The following GRIK2 variants were observed in gnomAD, a reference collection of about 807,000 sequenced individuals.
GRIK2 encodes the protein glutamate receptor ionotropic, kainate 2.
A neutral mutation model predicts 100.3 loss-of-function variants in GRIK2; 32 were observed. That is an observed-to-expected ratio of 0.32 (90% CI 0.24 to 0.43). The LOEUF is 0.43. Ranked by LOEUF, GRIK2 falls within the 20% of genes least tolerant of loss-of-function variation. The pLI is 1.00. For synonymous variants in GRIK2, 417 were observed against 389.4 expected (o/e 1.07, Z -0.83); for missense variants, 843 against 1,114.9 (o/e 0.76, Z 3.47).
chr6:101,627,755 T>C (rs1780531450), intron 4 of GRIK2, among the ~76,000 whole-genome samples: 1 of 152,190 alleles, frequency 6.6e-6, no homozygotes, highest in Admixed American at 6.5e-5. Flanking sequence ...TGATATTTAT[T>C]TCAGTGAGTT....
chr6:101,965,075 G>A (rs958860203), intron 14 of GRIK2, among the ~76,000 whole-genome samples: 3 of 152,146 alleles, frequency 2.0e-5, no homozygotes, highest in African/African-American at 4.8e-5. Context: ...TTTGGGTGTG[G>A]TGTAGAACTG....
chr6:101,623,897 T>C (rs1415889423), intron 3 of GRIK2, among the ~76,000 whole-genome samples: 1 of 152,056 alleles, frequency 6.6e-6, no homozygotes, highest in African/African-American at 2.4e-5. Flanking sequence ...CAGCAATACA[T>C]AAAAACATAA....
intron 2 of GRIK2, among the ~76,000 whole-genome samples, chr6:101,491,440 C>T (rs924527096): frequency 2.0e-5 from 3 of 151,998 alleles, no homozygotes; most frequent in Non-Finnish European, 4.4e-5. Flanking sequence ...CACAAACCTT[C>T]ACTGGAAAAA....
intron 7 of GRIK2, among the ~76,000 whole-genome samples, chr6:101,794,502 G>A (rs546708885): frequency 3.9e-5 from 6 of 152,064 alleles, no homozygotes; most frequent in South Asian, 2.1e-4. Flanking sequence ...TTTGTATATC[G>A]TTTGTTCCCT....
rs530043249 is a variant in GRIK2 at position 101,565,876 on chromosome 6, C to T, written c.116-56073C>T. Among the ~76,000 whole-genome samples, 6 of 139,106 alleles carry T rather than the reference C, an allele frequency of 4.3e-5. No individual in the cohort carries two copies. The East Asian group carries it at 1.3e-3, about 31-fold the overall frequency. 91.3% of individuals were successfully genotyped at this position (139,106 alleles called of 152,430 possible). A position where few individuals can be genotyped will look rare whatever the true frequency, so the allele number is the denominator to read the frequency against. On this transcript the variant is annotated intron_variant, in intron 2 of 16. Transcript: ENST00000369134. ...ACATATTTTGTGTATTATATGTTAC[C>T]AATATAATTCTGCCAATCTTTATCT...
intron 14 of GRIK2, among the ~76,000 whole-genome samples, chr6:102,009,178 G>A (rs981314111): frequency 6.6e-6 from 1 of 151,886 alleles, no homozygotes; most frequent in Non-Finnish European, 1.5e-5. Flanking sequence ...AAAAATAATT[G>A]TCAGGTACAA....
At position 101,924,632 on chromosome 6, in the gene GRIK2, C is replaced by T. The variant is rs751004500; in HGVS notation, c.1780C>T (p.Pro594Ser). ...FSPYEWYNPH[P>S]CNPDSDVVEN... ...TCCTTATGAGTGGTATAATCCACAC[C>T]CTTGCAACCCTGACTCAGACGTGGT... Residue 594 changes from proline (P) to serine (S), a missense_variant, in exon 13 of 17, where the codon CCT (proline) becomes TCT (serine). By Grantham distance (74) the Pro-to-Ser change is moderately conservative (BLOSUM62 -1). This residue lies in a region of GRIK2 where 237 missense variants were observed against 388.0 expected (regional missense o/e 0.61). Coordinates refer to ENST00000369134, the MANE Select transcript of GRIK2 (RefSeq NM_021956.5). 6 of 1,606,094 alleles carry T rather than the reference C, an allele frequency of 3.7e-6. No individual in the cohort carries two copies. The highest frequency in any genetic ancestry group is 5.1e-6 in the Non-Finnish European group (6 of 1,172,956).
intron 9 of GRIK2, among the ~76,000 whole-genome samples, chr6:101,808,645 G>A (rs1374346196): frequency 6.6e-6 from 1 of 151,836 alleles, no homozygotes; most frequent in Non-Finnish European, 1.5e-5. Context: ...ATTCTCCTGT[G>A]TGATATTTAA....
In GRIK2 at chr6:101,506,547, G is replaced by A. The variant is rs541248508; in HGVS notation, c.115+107155G>A. 6.4e-4 allele frequency among the ~76,000 whole-genome samples: 98 copies of A among 152,092 alleles called. 1 individual carries two copies. Among genetic ancestry groups the A allele is most frequent in the Non-Finnish European group, 7.9e-4 (54 of 67,976 alleles). ...CTTTATGTATAGCAGATGAATATAC[G>A]TGTTGTCCATGATCAGAGTTCCATG... On this transcript the variant is annotated intron_variant, in intron 2 of 16. Coordinates refer to ENST00000369134, the MANE Select transcript of GRIK2 (RefSeq NM_021956.5).
chr6:101,398,372 C>T (rs764656560), intron 1 of GRIK2, among the ~76,000 whole-genome samples: 32 of 152,128 alleles, frequency 2.1e-4, no homozygotes, highest in Non-Finnish European at 4.4e-5. Context: ...AGAAATTTCT[C>T]CTACTTCTGG....
intron 2 of GRIK2, among the ~76,000 whole-genome samples, chr6:101,594,499 A>G (rs1778815869): frequency 6.6e-6 from 1 of 151,878 alleles, no homozygotes; most frequent in South Asian, 2.1e-4. Flanking sequence ...AATGGGTTTA[A>G]GGCAAGGAAA....
chr6:101,429,179 C>T (rs1051160209), intron 2 of GRIK2, among the ~76,000 whole-genome samples: 1 of 152,116 alleles, frequency 6.6e-6, no homozygotes, highest in African/African-American at 2.4e-5. Flanking sequence ...GATCTTCAGT[C>T]AAAATACTTT....
intron 5 of GRIK2, among the ~76,000 whole-genome samples, chr6:101,681,487 G>A (rs963585968): frequency 7.0e-6 from 1 of 142,896 alleles, no homozygotes; most frequent in African/African-American, 2.6e-5. Flanking sequence ...CTCCTGCCTT[G>A]GTTTCCCGAA....
intron 2 of GRIK2, among the ~76,000 whole-genome samples, chr6:101,498,710 G>A (rs941439294): frequency 6.6e-6 from 1 of 151,644 alleles, no homozygotes; most frequent in African/African-American, 2.4e-5. Flanking sequence ...CTTTTTGATG[G>A]GGTTGTTTGT....
intron 7 of GRIK2, among the ~76,000 whole-genome samples, chr6:101,774,496 A>G (rs1243288143): frequency 6.6e-6 from 1 of 152,188 alleles, no homozygotes; most frequent in East Asian, 1.9e-4. Context: ...GTTGCTAGAG[A>G]GTTCATTAAC....
At chr6:101,686,741 T>C (rs145719441) in intron 7 of GRIK2, among the ~76,000 whole-genome samples, 216 of 152,220 alleles carry the variant, frequency 1.4e-3, no homozygotes, top group African/African-American at 5.0e-3. Flanking sequence ...GTATCTGGTG[T>C]TATATAAATG....
chr6:101,851,929 G>A (rs1784152029), intron 10 of GRIK2, among the ~76,000 whole-genome samples: 1 of 145,068 alleles, frequency 6.9e-6, no homozygotes, highest in African/African-American at 2.6e-5. Context: ...CAGCCTGGCT[G>A]AGTTGTATAC....
At chr6:101,589,836 A>T (rs1472857398) in intron 2 of GRIK2, among the ~76,000 whole-genome samples, 5 of 152,074 alleles carry the variant, frequency 3.3e-5, no homozygotes, top group Non-Finnish European at 1.5e-5. Flanking sequence ...CCATGGAGAG[A>T]AGTAGTTTGG....
chr6:101,626,484 A>G lies in GRIK2; in HGVS notation c.388A>G (p.Ile130Val), dbSNP rs999512221. Reference protein sequence around the residue: ...SICNALGVPHIQTRWKHQVSD... With the variant: ...SICNALGVPHVQTRWKHQVSD... ...CTGCAATGCTCTGGGAGTTCCCCAC[A>G]TACAGACCCGCTGGAAGCACCAGGT... Residue 130 changes from isoleucine (I) to valine (V), a missense_variant, in exon 4 of 17, where the codon ATA (isoleucine) becomes GTA (valine). Transcript: ENST00000369134. The G allele has an allele frequency of 1.9e-6, 3 of 1,614,022 alleles. No individual in the cohort carries two copies. The highest frequency in any genetic ancestry group is 1.7e-6 in the Non-Finnish European group (2 of 1,179,948).
Sources: allele counts gnomAD v4.1 joint callset (sites outside exome capture counted in the v4.1 genomes callset), GRCh38; gene constraint gnomAD v4.1.1; regional missense constraint gnomAD v4.1.1; transcripts MANE v1.5; gene names NCBI Gene and HGNC (gene_info 2026-07-23, HGNC 2026-07-21).